The following CD63 variants were observed in gnomAD, a reference collection of about 807,000 sequenced individuals.
CD63 encodes the protein CD63 antigen.
CD63 carries 16 observed loss-of-function variants against 29.2 expected under a neutral mutation model. The ratio of observed to expected loss-of-function variants is 0.55; its 90% CI spans 0.37 to 0.83. The LOEUF is 0.83. Among genes scored for constraint, CD63 ranks in the 40% least tolerant of loss-of-function variants. The probability of loss-of-function intolerance (pLI) is 0.00; values close to 1 mark genes in which losing one functional copy is unlikely to be tolerated. For synonymous variants in CD63, 118 were observed against 111.7 expected, an observed-to-expected ratio of 1.06 and a Z score of -0.36; for missense variants, 251 against 297.3, an observed-to-expected ratio of 0.84 and a Z score of 1.15.
In CD63 at chr12:55,725,883, T is replaced by A; in HGVS notation, c.581A>T (p.Lys194Met). 1 of 1,614,026 alleles carries A rather than the reference T, an allele frequency of 6.2e-7. No homozygotes were observed. ...KAIHKEGCVE[K>M]IGGWLRKNVL... ...ATTTTTCCTCAGCCAGCCCCCAATC[T>A]TCTCCACACAGCCCTGAAGGTGGCA... The change falls in exon 7 of 8, where the codon AAG (lysine) becomes ATG (methionine). Residue 194 changes from lysine to methionine, a missense_variant. Transcript: ENST00000257857.
At chr12:55,723,820 C>T (rs1323389808), downstream of CD63, 9 of 1,579,634 alleles carry the variant, frequency 5.7e-6, no homozygotes, top group East Asian at 2.0e-4. Flanking sequence ...CTCCCCAACC[C>T]ATGTCCCTCA....
At position 55,728,657 on chromosome 12, in the gene CD63, AC is replaced by A. The variant is rs1877692397; in HGVS notation, c.-12+295del. 1 of 1,220,674 alleles carries A rather than the reference AC, an allele frequency of 8.2e-7. No individual in the cohort carries two copies. The allele number at this position is 1,220,674 out of a possible 1,614,324, so 75.6% of individuals were successfully genotyped here. A position where few individuals can be genotyped will look rare whatever the true frequency, so the allele number is the denominator to read the frequency against. On this transcript the variant is annotated intron_variant, in intron 1 of 7. Coordinates refer to ENST00000257857, the MANE Select transcript of CD63 (RefSeq NM_001780.6). The surrounding 1 kb of genome is among the most constrained non-coding windows in gnomAD (Gnocchi z 4.8). Reference sequence around the variant, plus strand: ...GCCCGCCAGTCTCCGGGCGTCAAACACCCTTTCCCCACCCAACACCCAGCCT... The same window carrying A: ...GCCCGCCAGTCTCCGGGCGTCAAACACCTTTCCCCACCCAACACCCAGCCT...
chr12:55,723,767 C>G, downstream of CD63: 1 of 1,169,948 alleles, frequency 8.5e-7, no homozygotes, highest in Non-Finnish European at 1.3e-6. Flanking sequence ...CAGTAGGCAT[C>G]TCCGTCAAAA....
intron 2 of CD63, 24 bp from the exon 3 acceptor site, chr12:55,727,363 T>C: frequency 6.2e-7 from 1 of 1,602,120 alleles, no homozygotes; most frequent in South Asian, 1.1e-5. Context: ...AGGTGAGGAT[T>C]AGGCCATATC....
chr12:55,725,535 A>G lies in CD63; in HGVS notation c.*26T>C. ...GGAGGATACTATTCCACTCCCCCAG[A>G]TGAGGAGGCTGAGGAGACCAGACCC... is the stretch of plus-strand genomic sequence containing the variant. On this transcript the variant is annotated 3_prime_UTR_variant, in exon 8 of 8. Transcript: ENST00000257857. The G allele has an allele frequency of 6.3e-7, 1 of 1,579,658 alleles. No homozygotes were observed. The highest frequency in any genetic ancestry group is 8.7e-7 in the Non-Finnish European group (1 of 1,148,682).
In CD63 at chr12:55,725,411, A is replaced by T. The variant is rs775701924; in HGVS notation, c.*150T>A. On this transcript the variant is annotated 3_prime_UTR_variant, in exon 8 of 8. Transcript: ENST00000257857. ...TGCATTAAGGTCCCAGAGGACAGGG[A>T]ACATCAGTAAGGAAAGGAAGGAATC... The T allele has an allele frequency of 2.7e-4, 191 of 703,072 alleles. No individual in the cohort carries two copies. Among genetic ancestry groups the T allele is most frequent in the Non-Finnish European group, 3.9e-4 (153 of 397,228 alleles). 43.6% of individuals were successfully genotyped at this position (703,072 alleles called of 1,614,324 possible).
intron 2 of CD63, 56 bp from the exon 3 acceptor site, chr12:55,727,395 G>C: frequency 6.8e-7 from 1 of 1,476,028 alleles, no homozygotes; most frequent in Non-Finnish European, 9.3e-7. Context: ...GGCCCTCCAT[G>C]GTGGAGGGCA....
chr12:55,729,097 G>A (rs1424810910), upstream of CD63: 2 of 985,120 alleles, frequency 2.0e-6, no homozygotes, highest in East Asian at 1.1e-4. Context: ...AGTGGCCGCC[G>A]GCCTCCCTCA....
At chr12:55,723,720 T>C (rs2136141705), downstream of CD63, 1 of 735,068 alleles carries the variant, frequency 1.4e-6, no homozygotes, top group Non-Finnish European at 2.3e-6. Context: ...TCAAAAATAC[T>C]TTCCTCCCTC....
intron 2 of CD63, chr12:55,727,970 T>C: frequency 8.3e-6 from 10 of 1,205,008 alleles, no homozygotes; most frequent in Non-Finnish European, 1.1e-5. Context: ...CCCATGGCGA[T>C]AGCATCAGGC....
intron 2 of CD63, 189 bp from the exon 3 acceptor site, chr12:55,727,528 T>C: frequency 3.2e-6 from 4 of 1,265,416 alleles, no homozygotes; most frequent in Non-Finnish European, 4.1e-6. Flanking sequence ...CCTCCCCTGA[T>C]CCCCTCCCGG....
rs766169561 is a variant in CD63 at position 55,726,796 on chromosome 12, C to T, written c.331-1G>A. 1 of 1,613,128 alleles carries T rather than the reference C, an allele frequency of 6.2e-7. No individual in the cohort carries two copies. The highest frequency in any genetic ancestry group is 8.5e-7 in the Non-Finnish European group (1 of 1,179,062). ...AGTTGTTATTAAACTCTGACATCAC[C>T]TGAGAGTACGGAGGAGCACTGTTGC... On this transcript the variant is annotated splice_acceptor_variant, in intron 4 of 7. Transcript: ENST00000257857. LOFTEE classifies it high-confidence loss of function.
chr12:55,723,713 A>G (rs182135259), downstream of CD63: 285 of 709,086 alleles, frequency 4.0e-4, 4 homozygotes, highest in East Asian at 6.5e-3. Context: ...ACAAACCTCA[A>G]AAATACTTTC....
Position 55,727,162 on chromosome 12 carries a change from G to A in CD63, c.244C>T (p.Leu82Phe), listed in dbSNP as rs1009847818. ...CCGACKENYC[L>F]MITFAIFLSL... ...CGCCCCCAACTCACCGTGATCATAA[G>A]ACAATAGTTCTCCTTGCAGGCCCCG... Residue 82 changes from leucine to phenylalanine, a missense_variant, in exon 3 of 8, where the codon CTT (leucine) becomes TTT (phenylalanine). Transcript: ENST00000257857. The A allele has an allele frequency of 8.1e-6, 13 of 1,613,366 alleles. No homozygotes were observed. Among genetic ancestry groups the A allele is most frequent in the South Asian group, 1.1e-5 (1 of 91,056 alleles).
At chr12:55,725,781 A>G (rs755030262) in intron 7 of CD63, 32 bp downstream of exon 7, 2 of 1,600,950 alleles carry the variant, frequency 1.2e-6, no homozygotes, top group Non-Finnish European at 1.7e-6. Flanking sequence ...CCCTGGACAG[A>G]GTCCCAGCCC....
At chr12:55,724,961 T>C (rs961289602), downstream of CD63, among the ~76,000 whole-genome samples, 2 of 152,128 alleles carry the variant, frequency 1.3e-5, no homozygotes, top group Non-Finnish European at 2.9e-5. Context: ...GAGCAGGTGA[T>C]GAGGGTTCTG....
At position 55,728,015 on chromosome 12, in the gene CD63, G is replaced by C; in HGVS notation, c.66+261C>G. Reference sequence around the variant, plus strand: ...GTTGCCCCACTGCCCCATATCACAAGTGGTTGGGTCACCAGACAGGAAGGG... The same window carrying C: ...GTTGCCCCACTGCCCCATATCACAACTGGTTGGGTCACCAGACAGGAAGGG... On this transcript the variant is annotated intron_variant, in intron 2 of 7. Coordinates refer to ENST00000257857, the MANE Select transcript of CD63 (RefSeq NM_001780.6). The surrounding 1 kb of genome is among the most constrained non-coding windows in gnomAD (Gnocchi z 4.8). 1.0e-6 allele frequency: 1 copy of C among 953,564 alleles called. No individual in the cohort carries two copies. The highest frequency in any genetic ancestry group is 1.5e-6 in the Non-Finnish European group (1 of 681,794). 59.1% of individuals were successfully genotyped at this position (953,564 alleles called of 1,614,324 possible). A position where few individuals can be genotyped will look rare whatever the true frequency, so the allele number is the denominator to read the frequency against.
Position 55,728,945 on chromosome 12 carries a change from G to A in CD63, c.-12+8C>T. On this transcript the variant is annotated splice_region_variant and intron_variant, in intron 1 of 7. Coordinates refer to ENST00000257857, the MANE Select transcript of CD63 (RefSeq NM_001780.6). The surrounding 1 kb of genome is among the most constrained non-coding windows in gnomAD (Gnocchi z 4.8). ...GCGCCGAAGTCCGCCGGGTCCCCGCGGCCTCACCTGGGCTTCCCAAGGCTG... is the reference window on the plus strand; with the variant it reads ...GCGCCGAAGTCCGCCGGGTCCCCGCAGCCTCACCTGGGCTTCCCAAGGCTG... The A allele has an allele frequency of 1.0e-6, 1 of 985,436 alleles. No homozygotes were observed. Among genetic ancestry groups the A allele is most frequent in the African/African-American group, 1.7e-5 (1 of 57,260 alleles). The allele number at this position is 985,436 out of a possible 1,614,324, so 61.0% of individuals were successfully genotyped here.
Position 55,728,759 on chromosome 12 carries a change from A to C in CD63, c.-12+194T>G, listed in dbSNP as rs1255252204. 4.7e-5 allele frequency: 6 copies of C among 127,420 alleles called. No homozygotes were observed. The highest frequency in any genetic ancestry group is 1.6e-4 in the Admixed American group (1 of 6,286). 7.9% of individuals were successfully genotyped at this position (127,420 alleles called of 1,614,324 possible). On this transcript the variant is annotated intron_variant, in intron 1 of 7. Transcript: ENST00000257857. This position sits in a 1 kb window ranked among gnomAD's most constrained non-coding sequence, Gnocchi z 4.8. ...CTGGGCTCTGACCTCCCCGCCCACC[A>C]AAAAAAAAAAAAGTGCAGCCAGCAC... is the stretch of plus-strand genomic sequence containing the variant.
Sources: gnomAD v4.1 joint callset for allele counts (sites outside exome capture counted in the v4.1 genomes callset) on GRCh38, gnomAD v4.1.1 for gene constraint, Gnocchi (gnomAD v3.1) non-coding constraint, MANE v1.5 for transcripts, NCBI Gene and HGNC (gene_info 2026-07-23, HGNC 2026-07-21) for gene names.